Variants in TRMT61B observed in about 807,000 individuals in gnomAD.
The protein encoded by TRMT61B is tRNA (adenine(58)-N(1))-methyltransferase, mitochondrial.
Under a neutral mutation model 52.0 loss-of-function variants are expected in TRMT61B, and 56 were observed. The ratio of observed to expected loss-of-function variants is 1.08; its 90% confidence interval spans 0.87 to 1.35. TRMT61B has a LOEUF of 1.35. Among genes scored for constraint, TRMT61B ranks in the 40% most tolerant of loss-of-function variants. The probability of loss-of-function intolerance (pLI) is 0.00; values close to 1 mark genes in which losing one functional copy is unlikely to be tolerated. For missense variants in TRMT61B, 650 were observed against 577.9 expected (o/e 1.12, Z -1.28); for synonymous variants, 206 against 220.0 (o/e 0.94, Z 0.56).
chr2:28,850,105 T>G lies in TRMT61B; in HGVS notation c.*94A>C. The G allele has an allele frequency of 7.7e-7, 1 of 1,301,154 alleles. No homozygotes were observed. Among genetic ancestry groups the G allele is most frequent in the Non-Finnish European group, 1.1e-6 (1 of 920,366 alleles). 80.6% of individuals were successfully genotyped at this position (1,301,154 alleles called of 1,614,324 possible). On this transcript the variant is annotated 3_prime_UTR_variant, in exon 7 of 7. Coordinates refer to ENST00000306108, the MANE Select transcript of TRMT61B (RefSeq NM_017910.4). ...AAGTTATATAAGTCATAGTAATAGCTAAAAATGCCAATCTATGGAAGCAGT... is the reference window on the plus strand; with the variant it reads ...AAGTTATATAAGTCATAGTAATAGCGAAAAATGCCAATCTATGGAAGCAGT...
chr2:28,850,346 AGT>A lies in TRMT61B; in HGVS notation c.1370_1371del (p.His457LeufsTer20), dbSNP rs1669023930. 6.2e-7 allele frequency: 1 copy of A among 1,610,742 alleles called. No individual in the cohort carries two copies. The highest frequency in any genetic ancestry group is 2.2e-5 in the East Asian group (1 of 44,790). ...TACTCACCTGTATGACCAGGTTGCCAGTGTACTGGTCTAGCAACATAGGGAAA... is the reference window on the plus strand; with the variant it reads ...TACTCACCTGTATGACCAGGTTGCCAGTACTGGTCTAGCAACATAGGGAAA... The part of the protein sequence containing the change: ...GSFPYVARPV[H>X]WQPGHTAFLV... On this transcript the variant is annotated frameshift_variant, in exon 6 of 7. Coordinates refer to ENST00000306108, the MANE Select transcript of TRMT61B (RefSeq NM_017910.4). LOFTEE classifies it high-confidence loss of function.
At chr2:28,869,486 T>G in intron 1 of TRMT61B, 93 bp downstream of exon 1, 2 of 852,258 alleles carry the variant, frequency 2.3e-6, no homozygotes, top group Non-Finnish European at 3.7e-6. Context: ...CCAAACGTTC[T>G]GAGATGTCTT....
chr2:28,850,157 A>C lies in TRMT61B; in HGVS notation c.*42T>G, dbSNP rs1366550095. The C allele has an allele frequency of 1.9e-6, 3 of 1,563,420 alleles. No homozygotes were observed. Among genetic ancestry groups the C allele is most frequent in the Non-Finnish European group, 2.6e-6 (3 of 1,143,188 alleles). ...ATTTTCAATATAAAGTTCTATTTTG[A>C]TATTTTTCCATCTTCAAGTCAGTTA... On this transcript the variant is annotated 3_prime_UTR_variant, in exon 7 of 7. Coordinates refer to ENST00000306108, the MANE Select transcript of TRMT61B (RefSeq NM_017910.4).
Position 28,850,049 on chromosome 2 carries a change from TTTTAG to T in TRMT61B, c.*145_*149del. 8.6e-7 allele frequency: 1 copy of T among 1,164,618 alleles called. No individual in the cohort carries two copies. Among genetic ancestry groups the T allele is most frequent in the Non-Finnish European group, 1.2e-6 (1 of 805,720 alleles). The allele number at this position is 1,164,618 out of a possible 1,614,324, so 72.1% of individuals were successfully genotyped here. ...AAGCAGTTTTGCTATGTTATACATC[TTTTAG>T]TTGTTATTTTCAAAATTATATGTAT... On this transcript the variant is annotated 3_prime_UTR_variant, in exon 7 of 7. Transcript: ENST00000306108.
intron 4 of TRMT61B, among the ~76,000 whole-genome samples, chr2:28,852,003 C>T (rs182979923): frequency 9.4e-4 from 141 of 149,328 alleles, no homozygotes; most frequent in Non-Finnish European, 1.7e-3. Context: ...GCCATATACA[C>T]TTTATTCAGT....
Position 28,863,488 on chromosome 2 carries a change from C to T in TRMT61B, c.802+1529G>A, listed in dbSNP as rs187013885. ...AAAAGAAAATATGGAGAAAAATATC[C>T]ATCACATAGGTAAATAGCAATAAGT... On this transcript the variant is annotated intron_variant, in intron 2 of 6. Coordinates refer to ENST00000306108, the MANE Select transcript of TRMT61B (RefSeq NM_017910.4). Among the ~76,000 whole-genome samples, 204 of 151,346 alleles carry T rather than the reference C, an allele frequency of 1.3e-3. 1 individual carries two copies. The highest frequency in any genetic ancestry group is 2.4e-3 in the Non-Finnish European group (160 of 67,904).
intron 4 of TRMT61B, among the ~76,000 whole-genome samples, 183 bp from the exon 5 acceptor site, chr2:28,851,481 G>C (rs1669094370): frequency 1.3e-5 from 2 of 152,168 alleles, no homozygotes; most frequent in South Asian, 2.1e-4. Flanking sequence ...CAAACACAGA[G>C]ACCATAATTT....
intron 5 of TRMT61B, 38 bp from the exon 6 acceptor site, chr2:28,850,443 A>C (rs1416150967): frequency 2.9e-6 from 4 of 1,358,946 alleles, no homozygotes; most frequent in Admixed American, 4.3e-5. Flanking sequence ...AGCTACATAA[A>C]ATATTTTCTA....
chr2:28,869,940 C>A lies in TRMT61B; in HGVS notation c.338G>T (p.Gly113Val), dbSNP rs1365978584. ...ATCCTCGGATCCCTGGTGTGTGGGA[C>A]CGCACCGGCCCTGGTCTCCGCTCGA... ...EDSSGDQGRC[G>V]PTHQGSEDPS... The change falls in exon 1 of 7, where the codon GGT becomes GTT. Residue 113 changes from glycine (G) to valine (V), a missense_variant. Coordinates refer to ENST00000306108, the MANE Select transcript of TRMT61B (RefSeq NM_017910.4). 4.3e-6 allele frequency: 7 copies of A among 1,613,734 alleles called. No homozygotes were observed. The highest frequency in any genetic ancestry group is 5.9e-6 in the Non-Finnish European group (7 of 1,179,990).
chr2:28,869,649 A>G lies in TRMT61B; in HGVS notation c.629T>C (p.Met210Thr), dbSNP rs754002411. Residue 210 changes from methionine to threonine, a missense_variant, in exon 1 of 7, where the codon ATG becomes ACG. Met to Thr is a moderately conservative substitution (Grantham distance 81, BLOSUM62 -1). Transcript: ENST00000306108. The part of the protein sequence containing the change: ...ILRSSFGKQY[M>T]LRRPALEDYV... The stretch of plus-strand genomic sequence containing the variant: ...GTCTTCCAAGGCTGGCCTCCTCAGC[A>G]TGTACTGCTTACCGAAGGAACTCCT... The G allele has an allele frequency of 2.1e-5, 34 of 1,614,056 alleles. No homozygotes were observed. In the Middle Eastern group the frequency reaches 4.9e-4, roughly 23 times the overall value.
intron 4 of TRMT61B, among the ~76,000 whole-genome samples, chr2:28,851,700 T>C (rs931252437): frequency 6.9e-4 from 104 of 151,754 alleles, no homozygotes; most frequent in African/African-American, 2.4e-3. Context: ...GCCAACATGG[T>C]GAAACCCTGT....
intron 5 of TRMT61B, 55 bp downstream of exon 5, chr2:28,851,017 T>G: frequency 8.6e-7 from 1 of 1,157,532 alleles, no homozygotes; most frequent in Non-Finnish European, 1.2e-6. Context: ...GTCAGTATAC[T>G]CAGGAACTCA....
At chr2:28,862,712 C>T (rs892214134) in intron 2 of TRMT61B, among the ~76,000 whole-genome samples, 3 of 150,912 alleles carry the variant, frequency 2.0e-5, no homozygotes, top group Non-Finnish European at 2.9e-5. Context: ...TATTTGTGGC[C>T]GGATACAGTG....
In TRMT61B at chr2:28,861,277, C is replaced by G. The variant is rs750805520; in HGVS notation, c.834G>C (p.Glu278Asp). Residue 278 changes from glutamate (E) to aspartate (D), a missense_variant, in exon 3 of 7, where the codon GAG (glutamate) becomes GAC (aspartate). By Grantham distance (45) the Glu-to-Asp change is conservative. Transcript: ENST00000306108. ...CCAGATCATGGTGGTCTTTTCGTACCTCAAAACTTATGACTCGTCCTTGTG... is the reference window on the plus strand; with the variant it reads ...CCAGATCATGGTGGTCTTTTCGTACGTCAAAACTTATGACTCGTCCTTGTG... The part of the protein sequence containing the change: ...VGSQGRVISF[E>D]VRKDHHDLAK... The G allele has an allele frequency of 1.9e-6, 3 of 1,602,006 alleles. No homozygotes were observed. Among genetic ancestry groups the G allele is most frequent in the Non-Finnish European group, 2.6e-6 (3 of 1,176,444 alleles).
chr2:28,868,170 C>G (rs977238482), intron 1 of TRMT61B, among the ~76,000 whole-genome samples: 3 of 152,084 alleles, frequency 2.0e-5, no homozygotes, highest in Non-Finnish European at 4.4e-5. Context: ...TCTAATGGTC[C>G]TTCACTACAA....
chr2:28,852,266 TCA>T (rs1369100796), intron 4 of TRMT61B, 140 bp downstream of exon 4: 1 of 482,254 alleles, frequency 2.1e-6, no homozygotes, highest in Non-Finnish European at 3.5e-6. Flanking sequence ...TGAGCTGAGA[TCA>T]TACCACTACA....
At position 28,850,220 on chromosome 2, in the gene TRMT61B, C is replaced by T; in HGVS notation, c.1413G>A (p.Lys471=). The T allele has an allele frequency of 1.2e-6, 2 of 1,611,608 alleles. No individual in the cohort carries two copies. Among genetic ancestry groups the T allele is most frequent in the Non-Finnish European group, 1.7e-6 (2 of 1,179,004 alleles). The change falls in exon 7 of 7, where the codon AAG becomes AAA. Residue 471 remains lysine (K), a synonymous_variant. Coordinates refer to ENST00000306108, the MANE Select transcript of TRMT61B (RefSeq NM_017910.4). The part of the protein sequence containing the change: ...GHTAFLVKLR[K]VKPQLN ...GTACTCAGTTAAGTTGTGGTTTGAC[C>T]TTCCTCAACTTGACAAGAAAAGCTA...
In TRMT61B at chr2:28,852,506, G is replaced by A. The variant is rs775727627; in HGVS notation, c.994-7C>T. ...TTAACATATCCAAAGCTACCTGTGT[G>A]GGGGAAAAAGAGAACTGGATCAGTC... On this transcript the variant is annotated splice_polypyrimidine_tract_variant and splice_region_variant and intron_variant, in intron 3 of 6. Coordinates refer to ENST00000306108, the MANE Select transcript of TRMT61B (RefSeq NM_017910.4). The A allele has an allele frequency of 1.3e-6, 2 of 1,575,118 alleles. No individual in the cohort carries two copies. Among genetic ancestry groups the A allele is most frequent in the African/African-American group, 1.4e-5 (1 of 73,598 alleles).
Position 28,849,953 on chromosome 2 carries a change from TA to T in TRMT61B, c.*245del. 6.4e-7 allele frequency: 1 copy of T among 1,556,122 alleles called. No homozygotes were observed. Among genetic ancestry groups the T allele is most frequent in the Non-Finnish European group, 8.7e-7 (1 of 1,145,510 alleles). On this transcript the variant is annotated 3_prime_UTR_variant, in exon 7 of 7. Coordinates refer to ENST00000306108, the MANE Select transcript of TRMT61B (RefSeq NM_017910.4). ...GAAGTGAAGAATGAGATGGCCCAAC[TA>T]AACCAATTTGGAATCATTAACTACA...
Sources: allele counts gnomAD v4.1 joint callset (sites outside exome capture counted in the v4.1 genomes callset), GRCh38; gene constraint gnomAD v4.1.1; transcripts MANE v1.5; gene names NCBI Gene and HGNC (gene_info 2026-07-23, HGNC 2026-07-21).